SLC5A4: variants seen among roughly 807,000 people sequenced by gnomAD.
The protein encoded by SLC5A4 is solute carrier family 5 member 4.
A neutral mutation model predicts 70.3 loss-of-function variants in SLC5A4; 55 were observed. The ratio of observed to expected loss-of-function variants is 0.78; its 90% CI spans 0.63 to 0.98. The LOEUF (loss-of-function observed/expected upper bound fraction) is 0.98, where lower values mean the gene tolerates loss of function less well. Among genes scored for constraint, SLC5A4 ranks in the 50% least tolerant of loss-of-function variants. The probability of loss-of-function intolerance (pLI) is 0.00; values close to 1 mark genes in which losing one functional copy is unlikely to be tolerated. For missense variants in SLC5A4, 735 were observed against 839.2 expected (o/e 0.88, Z 1.53); for synonymous variants, 268 against 305.7 (o/e 0.88, Z 1.29).
chr22:32,290,122 T>C, the SLC5A4 span, among the ~76,000 whole-genome samples: 1 of 152,168 alleles, frequency 6.6e-6, no homozygotes, highest in South Asian at 2.1e-4. Flanking sequence ...GGGATGCATG[T>C]ACAGAATGTG....
chr22:32,239,518 TTATATA>T (rs1173210993), intron 5 of SLC5A4, among the ~76,000 whole-genome samples: 34 of 25,180 alleles, frequency 1.4e-3, no homozygotes, highest in Middle Eastern at 0.018. Context: ...GGAGTGCATA[TTATATA>T]TATATATATA....
chr22:32,279,918 T>C, the SLC5A4 span, among the ~76,000 whole-genome samples: 2 of 150,184 alleles, frequency 1.3e-5, no homozygotes, highest in Admixed American at 6.6e-5. Flanking sequence ...GGAGGTGACC[T>C]GGGGGAGGGG....
the SLC5A4 span, among the ~76,000 whole-genome samples, chr22:32,339,926 T>G: frequency 1.3e-5 from 2 of 152,186 alleles, no homozygotes; most frequent in South Asian, 2.1e-4. Flanking sequence ...GCCCTGGGGA[T>G]GGGTGAGACC....
At chr22:32,328,721 A>C in the SLC5A4 span, among the ~76,000 whole-genome samples, 1 of 152,218 alleles carries the variant, frequency 6.6e-6, no homozygotes, top group Non-Finnish European at 1.5e-5. Flanking sequence ...TGACTCACAG[A>C]AAGAGTTAAA....
chr22:32,304,509 G>C, the SLC5A4 span, among the ~76,000 whole-genome samples: 1 of 152,094 alleles, frequency 6.6e-6, no homozygotes, highest in Non-Finnish European at 1.5e-5. Flanking sequence ...GAACTTCTGG[G>C]CTGAAGTGAC....
chr22:32,300,781 A>T, the SLC5A4 span, among the ~76,000 whole-genome samples: 1 of 152,184 alleles, frequency 6.6e-6, no homozygotes, highest in African/African-American at 2.4e-5. Context: ...ATGTACTACA[A>T]TTTGTTTAAC....
chr22:32,273,802 A>AAAACAAAC, the SLC5A4 span, among the ~76,000 whole-genome samples: 1 of 152,076 alleles, frequency 6.6e-6, no homozygotes, highest in Non-Finnish European at 1.5e-5. Flanking sequence ...CAAGCAAACA[A>AAAACAAAC]AAACAAACAA....
chr22:32,251,510 C>CCT (rs113394070), intron 3 of SLC5A4, among the ~76,000 whole-genome samples: 5,071 of 145,980 alleles, frequency 0.035, 135 homozygotes, highest in African/African-American at 0.073. Flanking sequence ...ATCCTCCATC[C>CCT]CTCTCTCTCT....
At chr22:32,287,782 G>C in the SLC5A4 span, among the ~76,000 whole-genome samples, 1 of 147,946 alleles carries the variant, frequency 6.8e-6, no homozygotes, top group Non-Finnish European at 1.5e-5. Context: ...CCACTGTGCA[G>C]AGCCTAAGAA....
chr22:32,285,514 T>C, the SLC5A4 span, among the ~76,000 whole-genome samples: 2 of 152,220 alleles, frequency 1.3e-5, no homozygotes, highest in South Asian at 4.1e-4. Flanking sequence ...TATATTGACT[T>C]TACATCATCT....
At chr22:32,273,966 A>C in the SLC5A4 span, among the ~76,000 whole-genome samples, 2 of 152,230 alleles carry the variant, frequency 1.3e-5, no homozygotes, top group African/African-American at 4.8e-5. Context: ...CGCATGAGAA[A>C]ATATCATGAG....
the SLC5A4 span, among the ~76,000 whole-genome samples, chr22:32,352,923 G>T: frequency 1.3e-5 from 2 of 152,208 alleles, no homozygotes; most frequent in African/African-American, 4.8e-5. Flanking sequence ...ACCAACCACA[G>T]CGAGGCGAGC....
the SLC5A4 span, chr22:32,269,438 C>T: frequency 6.1e-5 from 30 of 493,616 alleles, no homozygotes; most frequent in Non-Finnish European, 9.9e-5. The surrounding 1 kb of genome is among the most constrained non-coding windows in gnomAD (Gnocchi z 4.1). Context: ...CATCGCCCTG[C>T]AGTTCCTGCA....
chr22:32,305,953 T>G, the SLC5A4 span, among the ~76,000 whole-genome samples: 72,395 of 151,226 alleles, frequency 0.48, 17,485 homozygotes, highest in Admixed American at 0.51. Flanking sequence ...CACCTGCCAT[T>G]GGCATTGAGT....
At chr22:32,350,233 T>C in the SLC5A4 span, among the ~76,000 whole-genome samples, 1 of 152,278 alleles carries the variant, frequency 6.6e-6, no homozygotes, top group East Asian at 1.9e-4. Flanking sequence ...TTCAGTCAAC[T>C]GAGAAGAAAA....
intron 5 of SLC5A4, 135 bp downstream of exon 5, chr22:32,247,276 G>C (rs577697450): frequency 1.5e-4 from 95 of 635,044 alleles, no homozygotes; most frequent in Non-Finnish European, 1.7e-4. Context: ...AGACAGTCCT[G>C]AGAATTTAAG....
chr22:32,310,351 T>A, the SLC5A4 span, among the ~76,000 whole-genome samples: 18,011 of 152,144 alleles, frequency 0.12, 1,459 homozygotes, highest in Non-Finnish European at 0.18. Context: ...TTGCCTGAGG[T>A]CCCGCTGCTC....
At chr22:32,309,588 G>A in the SLC5A4 span, among the ~76,000 whole-genome samples, 2 of 152,132 alleles carry the variant, frequency 1.3e-5, no homozygotes, top group African/African-American at 4.8e-5. Context: ...TGGGGACAGT[G>A]TTTATCACAA....
At chr22:32,234,411 T>G (rs1000248961) in intron 8 of SLC5A4, among the ~76,000 whole-genome samples, 31 of 152,060 alleles carry the variant, frequency 2.0e-4, no homozygotes, top group Non-Finnish European at 4.4e-5. Context: ...AGTGTTTGAC[T>G]CTTTAAGCTG....
Sources: gnomAD v4.1 joint callset for allele counts (sites outside exome capture counted in the v4.1 genomes callset) on GRCh38, gnomAD v4.1.1 for gene constraint, Gnocchi (gnomAD v3.1) non-coding constraint, MANE v1.5 for transcripts, NCBI Gene and HGNC (gene_info 2026-07-23, HGNC 2026-07-21) for gene names.